CNTN5: variants seen among roughly 807,000 people sequenced by gnomAD.
CNTN5 encodes contactin-5.
Under a neutral mutation model 129.1 loss-of-function variants are expected in CNTN5, and 77 were observed. The ratio of observed to expected loss-of-function variants is 0.60; its 90% CI spans 0.50 to 0.72. CNTN5 has a LOEUF of 0.72. Ranked by LOEUF, CNTN5 falls within the 30% of genes least tolerant of loss-of-function variation. The pLI, the probability that CNTN5 is intolerant of heterozygous loss-of-function variation, is 0.00. For missense variants in CNTN5, 1,478 were observed against 1,328.8 expected (o/e 1.11, Z -1.75); for synonymous variants, 509 against 465.6 (o/e 1.09, Z -1.20).
chr11:99,361,686 T>C (rs1591573749), intron 2 of CNTN5, among the ~76,000 whole-genome samples: 1 of 152,160 alleles, frequency 6.6e-6, no homozygotes, highest in East Asian at 1.9e-4. Context: ...TTTTACTTTT[T>C]GTCTCTGAAT....
At chr11:99,752,600 C>T (rs1944271179) in intron 3 of CNTN5, among the ~76,000 whole-genome samples, 1 of 152,150 alleles carries the variant, frequency 6.6e-6, no homozygotes, top group Non-Finnish European at 1.5e-5. Context: ...ACTATATTCA[C>T]TGTTTTCCAT....
intron 1 of CNTN5, among the ~76,000 whole-genome samples, chr11:99,045,488 A>G (rs563007433): frequency 6.6e-6 from 1 of 152,234 alleles, no homozygotes; most frequent in Non-Finnish European, 1.5e-5. Context: ...GCAAATTAAT[A>G]TAGTTGTATC....
chr11:100,305,968 CA>C (rs1053333657), intron 20 of CNTN5, among the ~76,000 whole-genome samples: 3 of 144,272 alleles, frequency 2.1e-5, no homozygotes, highest in African/African-American at 5.1e-5. Flanking sequence ...AAAAAAATTA[CA>C]AAAAAAATCT....
chr11:99,714,853 G>GAAA (rs10699540), intron 3 of CNTN5, among the ~76,000 whole-genome samples: 4,407 of 148,048 alleles, frequency 0.03, 69 homozygotes, highest in Non-Finnish European at 0.036. Context: ...AGCTCATGTG[G>GAAA]AAAAAAAAAA....
intron 3 of CNTN5, among the ~76,000 whole-genome samples, chr11:99,584,042 A>G (rs1471470417): frequency 6.6e-6 from 1 of 152,192 alleles, no homozygotes; most frequent in African/African-American, 2.4e-5. Flanking sequence ...AATTAATCTC[A>G]TGAAATAGAT....
At chr11:99,758,976 T>C (rs1481417466) in intron 3 of CNTN5, among the ~76,000 whole-genome samples, 1 of 152,068 alleles carries the variant, frequency 6.6e-6, no homozygotes, top group East Asian at 1.9e-4. Context: ...TGCAATAGTA[T>C]TCCAAAAGAA....
chr11:99,513,430 A>G (rs1946918285), intron 2 of CNTN5, among the ~76,000 whole-genome samples: 1 of 152,158 alleles, frequency 6.6e-6, no homozygotes, highest in Non-Finnish European at 1.5e-5. Context: ...TGATGTAGAC[A>G]AAGAGCCTTC....
rs74351112 is a variant in CNTN5, at chr11:99,935,748, C to G, written c.673+19599C>G. 3.9e-5 allele frequency among the ~76,000 whole-genome samples: 6 copies of G among 152,152 alleles called. No individual in the cohort carries two copies. In the East Asian group the frequency reaches 9.6e-4, roughly 24 times the overall value. On this transcript the variant is annotated intron_variant, in intron 7 of 24. Transcript: ENST00000524871. ...AGTGTAACAATATAAGTTAGCCTCA[C>G]CTAGTCATTTGTGCACTAGTTTTGA... is the stretch of plus-strand genomic sequence containing the variant.
intron 1 of CNTN5, among the ~76,000 whole-genome samples, chr11:99,313,779 A>G (rs1226600197): frequency 6.6e-6 from 1 of 152,106 alleles, no homozygotes; most frequent in African/African-American, 2.4e-5. Context: ...ACAACTGAAC[A>G]GCAAATATTT....
chr11:99,748,123 T>A (rs558758852), intron 3 of CNTN5, among the ~76,000 whole-genome samples: 1 of 152,276 alleles, frequency 6.6e-6, no homozygotes, highest in South Asian at 2.1e-4. Context: ...AGTTTTTTTG[T>A]TGAGGATTTT....
intron 3 of CNTN5, among the ~76,000 whole-genome samples, chr11:99,607,781 T>A (rs547729058): frequency 0.022 from 2,899 of 132,032 alleles, 156 homozygotes; most frequent in African/African-American, 0.073. Context: ...AAAAAGATGA[T>A]GAGTTCATAT....
At chr11:100,176,251 C>T (rs544650375) in intron 13 of CNTN5, among the ~76,000 whole-genome samples, 15 of 148,666 alleles carry the variant, frequency 1.0e-4, no homozygotes, top group African/African-American at 3.9e-4. Context: ...AACTCCTGAC[C>T]TCAAGTGACC....
At chr11:99,052,703 GA>G (rs1864475778) in intron 1 of CNTN5, among the ~76,000 whole-genome samples, 1 of 151,830 alleles carries the variant, frequency 6.6e-6, no homozygotes, top group Non-Finnish European at 1.5e-5. Context: ...ACCTCTGAAA[GA>G]CATCTAGTGG....
In CNTN5 at chr11:100,356,191, G is replaced by A. The variant is rs1591539701; in HGVS notation, c.3274G>A (p.Ala1092Thr). The change falls in exon 25 of 25, where the codon GCA becomes ACA. Residue 1092 changes from alanine to threonine, a missense_variant. Ala to Thr is a moderately conservative substitution (Grantham distance 58). Transcript: ENST00000524871. ...TSSSSVTLLLALMIPSTSW is the reference protein window; with the variant it reads ...TSSSSVTLLLTLMIPSTSW ...TTCGTCATCAGTCACCTTGCTCTTGGCATTGATGATTCCTTCAACTTCCTG... is the reference window on the plus strand; with the variant it reads ...TTCGTCATCAGTCACCTTGCTCTTGACATTGATGATTCCTTCAACTTCCTG... 3.1e-6 allele frequency: 5 copies of A among 1,609,612 alleles called. No individual in the cohort carries two copies. In the East Asian group the frequency reaches 9.0e-5, roughly 29 times the overall value.
chr11:99,258,074 T>C (rs1013175043), intron 1 of CNTN5, among the ~76,000 whole-genome samples: 2 of 152,190 alleles, frequency 1.3e-5, no homozygotes, highest in South Asian at 2.1e-4. Context: ...TCGCGGAGTT[T>C]TGAAACCACA....
chr11:100,067,831 C>CA (rs34509271), intron 10 of CNTN5, among the ~76,000 whole-genome samples: 11,138 of 147,578 alleles, frequency 0.075, 520 homozygotes, highest in East Asian at 0.19. Flanking sequence ...TAATGGTATC[C>CA]AAAAAAAAAA....
chr11:100,337,804 G>A (rs531707159), intron 21 of CNTN5, among the ~76,000 whole-genome samples: 12 of 152,304 alleles, frequency 7.9e-5, no homozygotes, highest in Middle Eastern at 3.4e-3. Flanking sequence ...AGCTCAGAGG[G>A]AGATGGGCAA....
chr11:99,280,287 A>G (rs1012777294), intron 1 of CNTN5, among the ~76,000 whole-genome samples: 4 of 151,784 alleles, frequency 2.6e-5, no homozygotes, highest in African/African-American at 9.7e-5. Context: ...ACACATATGA[A>G]ATAAATCAAA....
intron 1 of CNTN5, among the ~76,000 whole-genome samples, chr11:99,258,677 A>G (rs146357676): frequency 2.0e-4 from 31 of 152,034 alleles, no homozygotes; most frequent in African/African-American, 7.2e-4. Flanking sequence ...TAATATTTCA[A>G]ATATGTCAAA....
Sources: allele counts gnomAD v4.1 joint callset (sites outside exome capture counted in the v4.1 genomes callset), GRCh38; gene constraint gnomAD v4.1.1; transcripts MANE v1.5; gene names NCBI Gene and HGNC (gene_info 2026-07-23, HGNC 2026-07-21).